SV2C: variants seen among roughly 807,000 people sequenced by gnomAD.
The protein encoded by SV2C is synaptic vesicle glycoprotein 2C, also known as solute carrier family 22 member B3.
SV2C carries 49 observed loss-of-function variants against 79.7 expected under a neutral mutation model. That is an observed-to-expected ratio of 0.61 (90% CI 0.49 to 0.78). The LOEUF (loss-of-function observed/expected upper bound fraction) is 0.78. SV2C is among the 30% of genes least tolerant of loss of function. SV2C has a pLI of 0.00. For missense variants in SV2C, 833 were observed against 912.9 expected (o/e 0.91, Z 1.13); for synonymous variants, 334 against 333.2 (o/e 1.00, Z -0.03).
At chr5:76,352,866 T>G (rs1435202546) in intron 12 of SV2C, among the ~76,000 whole-genome samples, 2 of 152,114 alleles carry the variant, frequency 1.3e-5, no homozygotes, top group African/African-American at 2.4e-5. Context: ...CACATATTAA[T>G]ATTGCTCCCA....
In SV2C at chr5:76,125,747, G is replaced by A. The variant is rs80031115; in HGVS notation, c.-101-5903G>A. 7.6e-3 allele frequency among the ~76,000 whole-genome samples: 1,161 copies of A among 152,240 alleles called. 14 individuals are homozygous for A. The highest frequency in any genetic ancestry group is 0.026 in the African/African-American group (1,063 of 41,520). On this transcript the variant is annotated intron_variant, in intron 1 of 12. Transcript: ENST00000502798. ...AGGAACTAAGAGTTGACCCCTTATG[G>A]TGCTTGAGTCCTCATTTAATAACAT...
At chr5:76,084,168 G>A (rs1373497195) in intron 1 of SV2C, 3 of 152,370 alleles carry the variant, frequency 2.0e-5, no homozygotes, top group African/African-American at 7.2e-5. Flanking sequence ...GAGGCTCTTT[G>A]TCAGCGCCTG....
the SV2C span, among the ~76,000 whole-genome samples, chr5:75,892,748 T>G: frequency 2.0e-5 from 3 of 152,158 alleles, no homozygotes; most frequent in African/African-American, 7.2e-5. Context: ...TCCATATTTC[T>G]GCAAAAGACA....
intron 2 of SV2C, among the ~76,000 whole-genome samples, chr5:76,138,010 A>G (rs1417876664): frequency 1.3e-5 from 2 of 152,212 alleles, no homozygotes; most frequent in Non-Finnish European, 1.5e-5. Flanking sequence ...TTACAGGTTC[A>G]GTGTTTGATG....
the SV2C span, among the ~76,000 whole-genome samples, chr5:75,885,925 A>G: frequency 1.3e-5 from 2 of 152,188 alleles, no homozygotes; most frequent in Non-Finnish European, 2.9e-5. Flanking sequence ...TTGCTGCAAG[A>G]CAAGAAGCTA....
the SV2C span, among the ~76,000 whole-genome samples, chr5:75,850,364 T>G: frequency 6.6e-6 from 1 of 152,224 alleles, no homozygotes; most frequent in Admixed American, 6.5e-5. Context: ...TTCTATCAAT[T>G]TGTTATATAT....
chr5:75,893,338 A>G, the SV2C span, among the ~76,000 whole-genome samples: 3 of 151,910 alleles, frequency 2.0e-5, no homozygotes, highest in East Asian at 5.8e-4. Flanking sequence ...ATGTACCATC[A>G]TGAGGTCTGT....
chr5:76,264,243 T>G (rs1216255356), intron 4 of SV2C, among the ~76,000 whole-genome samples: 1 of 151,916 alleles, frequency 6.6e-6, no homozygotes, highest in Non-Finnish European at 1.5e-5. Flanking sequence ...TACTTGTGTA[T>G]GCTTCAGAAA....
At chr5:76,020,242 G>A in the SV2C span, among the ~76,000 whole-genome samples, 2 of 152,102 alleles carry the variant, frequency 1.3e-5, no homozygotes, top group African/African-American at 2.4e-5. Flanking sequence ...GAAGAATAAC[G>A]GACAAAGGAG....
chr5:76,347,095 G>T (rs2112589282), intron 12 of SV2C, among the ~76,000 whole-genome samples: 1 of 138,648 alleles, frequency 7.2e-6, no homozygotes, highest in East Asian at 1.9e-4. Context: ...AAGAAAGTGG[G>T]ACGGGGCAGG....
the SV2C span, among the ~76,000 whole-genome samples, chr5:76,049,027 A>AAAGAAAGAAAGAAAG: frequency 4.4e-4 from 18 of 41,120 alleles, 1 homozygote; most frequent in South Asian, 1.3e-3. Flanking sequence ...AAGAAAGAAA[A>AAAGAAAGAAAGAAAG]AGAAAAGAGG....
chr5:76,103,603 T>C (rs553128731), intron 1 of SV2C, among the ~76,000 whole-genome samples: 1 of 152,346 alleles, frequency 6.6e-6, no homozygotes, highest in Non-Finnish European at 1.5e-5. Flanking sequence ...TGTATGCTCT[T>C]ATAGCAATAT....
At chr5:76,173,901 C>A (rs1438507147) in intron 2 of SV2C, 4 of 1,593,392 alleles carry the variant, frequency 2.5e-6, no homozygotes, top group Non-Finnish European at 3.4e-6. Context: ...TCTCTCAGGT[C>A]TTGTAAATCG....
At chr5:76,063,439 C>T in the SV2C span, among the ~76,000 whole-genome samples, 2 of 152,276 alleles carry the variant, frequency 1.3e-5, no homozygotes, top group African/African-American at 4.8e-5. Context: ...GTAAAAGTGT[C>T]AGTGAAGGTG....
intron 5 of SV2C, 49 bp downstream of exon 5, chr5:76,285,344 A>G: frequency 6.2e-7 from 1 of 1,603,624 alleles, no homozygotes; most frequent in South Asian, 1.1e-5. Context: ...CTATTGGAAA[A>G]AGTTCCTTGT....
intron 2 of SV2C, among the ~76,000 whole-genome samples, chr5:76,190,751 C>T (rs1255918714): frequency 2.6e-5 from 4 of 152,142 alleles, no homozygotes; most frequent in Non-Finnish European, 5.9e-5. Flanking sequence ...AATGCACCTA[C>T]TTCTTATGAA....
rs1404659291 is a variant in SV2C, at chr5:76,173,933, A to T, written c.581-20986A>T. On this transcript the variant is annotated intron_variant, in intron 2 of 12. Transcript: ENST00000502798. ...ATCGTTAAATGTGGACTGTGCTGTG[A>T]TGGAATAAACTAATGCAAACCCTTG... 9 of 1,582,096 alleles carry T rather than the reference A, an allele frequency of 5.7e-6. 1 individual carries two copies. The highest frequency in any genetic ancestry group is 8.7e-7 in the Non-Finnish European group (1 of 1,150,920).
the SV2C span, among the ~76,000 whole-genome samples, chr5:76,068,582 T>G: frequency 3.3e-5 from 5 of 152,096 alleles, no homozygotes; most frequent in African/African-American, 1.2e-4. Flanking sequence ...GACTGGAAAG[T>G]TTTCAATGTC....
chr5:76,143,911 A>G (rs996887749), intron 2 of SV2C, among the ~76,000 whole-genome samples: 25 of 152,246 alleles, frequency 1.6e-4, no homozygotes, highest in Admixed American at 1.2e-3. Flanking sequence ...CAGAATCAAA[A>G]ACCCTAAATT....
Sources: gnomAD v4.1 joint callset for allele counts (sites outside exome capture counted in the v4.1 genomes callset) on GRCh38, gnomAD v4.1.1 for gene constraint, MANE v1.5 for transcripts, NCBI Gene and HGNC (gene_info 2026-07-23, HGNC 2026-07-21) for gene names.